The following ZNF185 variants were observed in gnomAD, a reference collection of about 807,000 sequenced individuals.
ZNF185 encodes zinc finger protein 185.
In ZNF185, 56 loss-of-function variants were observed where a neutral mutation model predicts 58.6. The ratio of observed to expected loss-of-function variants is 0.95; its 90% CI spans 0.77 to 1.19. The LOEUF is 1.19. ZNF185 is among the 50% of genes most tolerant of loss of function. ZNF185 has a pLI of 0.00. For missense variants in ZNF185, 627 were observed against 573.5 expected, an observed-to-expected ratio of 1.09 and a Z score of -0.95; for synonymous variants, 230 against 215.9, an observed-to-expected ratio of 1.07 and a Z score of -0.57.
chrX:152,955,696 G>T (rs2048747048), intron 16 of ZNF185, among the ~76,000 whole-genome samples: 1 of 111,355 alleles, frequency 9.0e-6, no homozygotes. Flanking sequence ...GAGCTCAGGA[G>T]ATCGAGACCA....
chrX:152,931,907 C>T, intron 13 of ZNF185, 131 bp downstream of exon 14: 1 of 200,503 alleles, frequency 5.0e-6, no homozygotes, highest in South Asian at 7.8e-5. Context: ...CCTGTTCCCA[C>T]TGTTCCCCCA....
At chrX:152,953,269 C>T (rs1431201081) in intron 16 of ZNF185, among the ~76,000 whole-genome samples, 1 of 111,792 alleles carries the variant, frequency 8.9e-6, no homozygotes, top group Non-Finnish European at 1.9e-5. Context: ...GGGTTAAATC[C>T]CCACTCAAAA....
chrX:152,944,423 T>A lies in ZNF185; in HGVS notation c.1212-844T>A, dbSNP rs1410883008. ...GGATCGAGGTGATGGCGAAGTAGAT[T>A]TTCATTCTGAAATGCTGGGCTCACT... On this transcript the variant is annotated intron_variant, in intron 15 of 22. Transcript: ENST00000449285. Among the ~76,000 whole-genome samples the A allele has an allele frequency of 2.7e-5, 3 of 112,449 alleles. No homozygotes were observed. The East Asian group carries it at 8.4e-4, about 32-fold the overall frequency.
At chrX:152,959,197 C>T (rs1045796265) in intron 16 of ZNF185, among the ~76,000 whole-genome samples, 4 of 111,980 alleles carry the variant, frequency 3.6e-5, no homozygotes, top group Admixed American at 1.9e-4. Flanking sequence ...GTGACCAACA[C>T]GTGCGCACTC....
chrX:152,933,392 C>A (rs1175678516), intron 14 of ZNF185, among the ~76,000 whole-genome samples: 5 of 112,474 alleles, frequency 4.4e-5, no homozygotes, highest in Non-Finnish European at 9.4e-5. Flanking sequence ...CCCTTTGCTC[C>A]TGCTTTCTCC....
the ZNF185 span, among the ~76,000 whole-genome samples, chrX:152,905,819 AGGGACTCCCCTCCAG>A: frequency 0.026 from 2,789 of 109,058 alleles, 44 homozygotes; most frequent in African/African-American, 0.057. Context: ...GGAGGGGTGG[AGGGACTCCCCTCCAG>A]GGGACTCCCC....
At chrX:152,909,337 C>T in the ZNF185 span, among the ~76,000 whole-genome samples, 20 of 112,464 alleles carry the variant, frequency 1.8e-4, no homozygotes, top group Non-Finnish European at 1.9e-5. Flanking sequence ...GAGCCATAAC[C>T]GGTCCCTGTA....
In ZNF185 at chrX:152,938,056, C is replaced by A; in HGVS notation, c.1122-18C>A. 3 of 1,168,926 alleles carry A rather than the reference C, an allele frequency of 2.6e-6. No individual in the cohort carries two copies. The highest frequency in any genetic ancestry group is 3.4e-6 in the Non-Finnish European group (3 of 872,868). On this transcript the variant is annotated intron_variant, in intron 14 of 22. Transcript: ENST00000449285. ...TCTTTGGTCTGAGATCTCAGCAGGC[C>A]TGTGTTTCCTTCCTCAGCTCCAGTG...
intron 11 of ZNF185, 124 bp downstream of exon 12, chrX:152,922,933 C>G: frequency 1.8e-6 from 1 of 550,872 alleles, no homozygotes; most frequent in East Asian, 3.7e-5. Flanking sequence ...ACAGGCTGAG[C>G]ACTGGTGATC....
chrX:152,968,459 A>T (rs782658265), intron 20 of ZNF185, among the ~76,000 whole-genome samples: 1 of 112,933 alleles, frequency 8.9e-6, no homozygotes, highest in South Asian at 3.6e-4. Flanking sequence ...GCATATGCAC[A>T]GACACACATG....
chrX:152,913,516 CAG>C (rs1422740058), upstream of ZNF185, among the ~76,000 whole-genome samples: 1 of 112,629 alleles, frequency 8.9e-6, no homozygotes, highest in African/African-American at 3.2e-5. Flanking sequence ...GCACCGGGCT[CAG>C]GGGTAGAGCA....
At chrX:152,960,053 CAG>C (rs2049307768) in intron 17 of ZNF185, 157 bp downstream of exon 19, 7 of 478,817 alleles carry the variant, frequency 1.5e-5, no homozygotes, top group South Asian at 4.4e-5. Flanking sequence ...ACCAGCATCT[CAG>C]GGGTAGATAT....
At position 152,965,538 on chromosome X, in the gene ZNF185, G is replaced by A. The variant is rs782437283; in HGVS notation, c.1799+11G>A. The A allele has an allele frequency of 8.6e-7, 1 of 1,165,970 alleles. No homozygotes were observed. Among genetic ancestry groups the A allele is most frequent in the African/African-American group, 1.8e-5 (1 of 56,707 alleles). ...TGCACGCTATAGCAAGTAAGAGCGG[G>A]TCCCAAACCCTTCCATGTCGGCCTT... is the stretch of plus-strand genomic sequence containing the variant. On this transcript the variant is annotated intron_variant, in intron 19 of 22. Transcript: ENST00000449285.
chrX:152,937,776 C>CAT (rs2046497737), intron 14 of ZNF185, among the ~76,000 whole-genome samples: 1 of 112,476 alleles, frequency 8.9e-6, no homozygotes, highest in South Asian at 3.6e-4. Context: ...GAACAAAGCA[C>CAT]ATCCAGGTAC....
At chrX:152,920,806 G>A (rs782621647) in intron 9 of ZNF185, 58 bp downstream of exon 10, 22 of 1,148,091 alleles carry the variant, frequency 1.9e-5, no homozygotes, top group African/African-American at 5.3e-5. Flanking sequence ...AAGGCCTTCC[G>A]TCAGCAGGGG....
chrX:152,913,881 T>C (rs1255077603), upstream of ZNF185, among the ~76,000 whole-genome samples: 1 of 111,677 alleles, frequency 9.0e-6, no homozygotes, highest in East Asian at 2.8e-4. Context: ...TTTTTTTAAC[T>C]ATCATTTTAC....
At chrX:152,924,246 C>T (rs1303518020) in intron 11 of ZNF185, among the ~76,000 whole-genome samples, 1 of 111,367 alleles carries the variant, frequency 9.0e-6, no homozygotes, top group African/African-American at 3.3e-5. Context: ...TCCTGAGTAG[C>T]TGGGGCTACA....
intron 14 of ZNF185, 119 bp downstream of exon 15, chrX:152,933,090 A>C: frequency 2.3e-6 from 1 of 441,298 alleles, no homozygotes; most frequent in Admixed American, 4.6e-5. Context: ...GCTCCTGTCT[A>C]CTGCTTCTCC....
intron 15 of ZNF185, among the ~76,000 whole-genome samples, chrX:152,939,780 T>TC (rs1556887155): frequency 1.2e-5 from 1 of 85,986 alleles, no homozygotes; most frequent in Non-Finnish European, 2.4e-5. Flanking sequence ...AGAGGTGTTT[T>TC]TTTTTTTTTT....
Sources: gnomAD v4.1 joint callset for allele counts (sites outside exome capture counted in the v4.1 genomes callset) on GRCh38, gnomAD v4.1.1 for gene constraint, MANE v1.5 for transcripts, NCBI Gene and HGNC (gene_info 2026-07-23, HGNC 2026-07-21) for gene names.